ATPSCKMT: variants seen among roughly 807,000 people sequenced by gnomAD.
ATPSCKMT encodes the protein ATP synthase c subunit lysine N-methyltransferase, also known as ATP synthase subunit C lysine N-methyltransferase.
Under a neutral mutation model 24.3 loss-of-function variants are expected in ATPSCKMT, and 24 were observed. The ratio of observed to expected loss-of-function variants is 0.99; its 90% CI spans 0.71 to 1.39. The LOEUF is 1.39. ATPSCKMT is among the 40% of genes most tolerant of loss of function. ATPSCKMT has a pLI of 0.00. For missense variants in ATPSCKMT, 311 were observed against 298.4 expected (o/e 1.04, Z -0.31); for synonymous variants, 95 against 110.5 (o/e 0.86, Z 0.88).
At position 10,237,150 on chromosome 5, in the gene ATPSCKMT, A is replaced by G. The variant is rs1744414245; in HGVS notation, c.307-535T>C. 3 of 693,426 alleles carry G rather than the reference A, an allele frequency of 4.3e-6. No homozygotes were observed. In the South Asian group the frequency reaches 4.9e-5, roughly 11 times the overall value. The allele number at this position is 693,426 out of a possible 1,614,324, so 43.0% of individuals were successfully genotyped here. A position where few individuals can be genotyped will look rare whatever the true frequency, so the allele number is the denominator to read the frequency against. On this transcript the variant is annotated intron_variant, in intron 2 of 4. Coordinates refer to ENST00000511437, the MANE Select transcript of ATPSCKMT (RefSeq NM_199133.4). ...AAATGAAATGAATCCCAATAACGTC[A>G]ACTGTGGAATCCCACTGGCCTCCGG...
At chr5:10,238,449 C>T (rs1293428788) in intron 2 of ATPSCKMT, among the ~76,000 whole-genome samples, 3 of 152,210 alleles carry the variant, frequency 2.0e-5, no homozygotes, top group Non-Finnish European at 2.9e-5. Flanking sequence ...GCCTTTCCCA[C>T]TGCTGCTGGA....
At chr5:10,242,183 T>C (rs969486997) in intron 1 of ATPSCKMT, among the ~76,000 whole-genome samples, 2 of 152,230 alleles carry the variant, frequency 1.3e-5, no homozygotes, top group Admixed American at 6.5e-5. Flanking sequence ...CTTCCCTTCA[T>C]GAAAGATTGC....
chr5:10,234,023 T>G (rs1410326591), intron 4 of ATPSCKMT, among the ~76,000 whole-genome samples: 1 of 152,180 alleles, frequency 6.6e-6, no homozygotes, highest in African/African-American at 2.4e-5. Flanking sequence ...CAGGATACTG[T>G]CACTTTCAAG....
At chr5:10,243,398 C>T (rs1213477701) in intron 1 of ATPSCKMT, among the ~76,000 whole-genome samples, 2 of 152,018 alleles carry the variant, frequency 1.3e-5, no homozygotes, top group Non-Finnish European at 2.9e-5. Flanking sequence ...GCAGGAGAAT[C>T]ATTTGAACCC....
intron 1 of ATPSCKMT, among the ~76,000 whole-genome samples, chr5:10,239,798 T>A (rs994666559): frequency 6.6e-6 from 1 of 152,186 alleles, no homozygotes; most frequent in Admixed American, 6.5e-5. Flanking sequence ...GGATTCCACA[T>A]CAAATCTGGT....
chr5:10,230,963 C>T (rs867532456), intron 4 of ATPSCKMT, among the ~76,000 whole-genome samples: 11 of 151,670 alleles, frequency 7.3e-5, no homozygotes, highest in African/African-American at 2.7e-4. Context: ...CCTACATCTC[C>T]AGCCCACCCT....
chr5:10,241,958 G>A (rs983758371), intron 1 of ATPSCKMT, among the ~76,000 whole-genome samples: 11 of 151,974 alleles, frequency 7.2e-5, no homozygotes, highest in African/African-American at 2.2e-4. Context: ...ATTTATCTTC[G>A]AAAAATTTTT....
intron 1 of ATPSCKMT, among the ~76,000 whole-genome samples, chr5:10,243,673 A>C (rs1744754201): frequency 6.6e-6 from 1 of 152,020 alleles, no homozygotes; most frequent in African/African-American, 2.4e-5. Flanking sequence ...TTTCTTCTGC[A>C]CTCTCCTCAC....
In ATPSCKMT at chr5:10,227,417, T is replaced by G; in HGVS notation, c.*24A>C. On this transcript the variant is annotated 3_prime_UTR_variant, in exon 5 of 5. Coordinates refer to ENST00000511437, the MANE Select transcript of ATPSCKMT (RefSeq NM_199133.4). ...CAAGATCAGGGAAGACTACAATATT[T>G]CAGAAAAACACTCCCAGTCAAGTTT... The G allele has an allele frequency of 6.2e-7, 1 of 1,611,360 alleles. No individual in the cohort carries two copies. The highest frequency in any genetic ancestry group is 1.1e-5 in the South Asian group (1 of 91,034).
chr5:10,249,800 G>A (rs543033167), intron 1 of ATPSCKMT, 58 bp downstream of exon 1: 135 of 833,694 alleles, frequency 1.6e-4, no homozygotes, highest in South Asian at 8.9e-4. Context: ...GCGAGCCCCC[G>A]GCCCGCCCGC....
Position 10,249,828 on chromosome 5 carries a change from C to G in ATPSCKMT, c.16+30G>C, listed in dbSNP as rs747015647. On this transcript the variant is annotated intron_variant, in intron 1 of 4. Coordinates refer to ENST00000511437, the MANE Select transcript of ATPSCKMT (RefSeq NM_199133.4). ...CCGCCCGCACCCCTTCTCATGCCCC[C>G]AGGAACCCGCCAAGCCGCTCCAGCC... The G allele has an allele frequency of 5.1e-6, 8 of 1,562,990 alleles. No homozygotes were observed. In the Admixed American group the frequency reaches 5.9e-5, roughly 11 times the overall value.
intron 1 of ATPSCKMT, among the ~76,000 whole-genome samples, chr5:10,243,486 A>G (rs1300386956): frequency 6.6e-6 from 1 of 152,112 alleles, no homozygotes; most frequent in Non-Finnish European, 1.5e-5. Context: ...CAAAAGAAAA[A>G]AAAAAAAGAA....
At chr5:10,237,527 C>T (rs1744427631) in intron 2 of ATPSCKMT, among the ~76,000 whole-genome samples, 1 of 152,138 alleles carries the variant, frequency 6.6e-6, no homozygotes, top group African/African-American at 2.4e-5. Context: ...GTAAGTCTCA[C>T]AAGATCTGAT....
chr5:10,236,905 C>T, intron 2 of ATPSCKMT: 3 of 1,394,714 alleles, frequency 2.2e-6, no homozygotes, highest in Non-Finnish European at 2.8e-6. Flanking sequence ...GGTCAGCCAA[C>T]CCCCGGGGAG....
At chr5:10,240,236 A>T (rs867326956) in intron 1 of ATPSCKMT, among the ~76,000 whole-genome samples, 2 of 151,214 alleles carry the variant, frequency 1.3e-5, no homozygotes, top group Admixed American at 6.6e-5. Flanking sequence ...TCTGTCTCAA[A>T]AAAAAAAAAA....
At chr5:10,245,516 C>A (rs548157011) in intron 1 of ATPSCKMT, among the ~76,000 whole-genome samples, 1 of 151,934 alleles carries the variant, frequency 6.6e-6, no homozygotes, top group Non-Finnish European at 1.5e-5. Flanking sequence ...GAGGCTGAGG[C>A]GGGTGGATCA....
intron 2 of ATPSCKMT, 83 bp from the exon 3 acceptor site, chr5:10,236,698 T>C: frequency 6.4e-7 from 1 of 1,554,356 alleles, no homozygotes; most frequent in Non-Finnish European, 8.7e-7. Flanking sequence ...TTCCTATCAA[T>C]GGTTTAAACA....
Position 10,227,292 on chromosome 5 carries a change from CGTTT to C in ATPSCKMT, c.*145_*148del. On this transcript the variant is annotated 3_prime_UTR_variant, in exon 5 of 5. Coordinates refer to ENST00000511437, the MANE Select transcript of ATPSCKMT (RefSeq NM_199133.4). Reference sequence around the variant, plus strand: ...GATTTTAAATCTACCTGTTTTTCTTCGTTTGTTTTCTCCAACAGTTAAGGAAAGT... The same window carrying C: ...GATTTTAAATCTACCTGTTTTTCTTCGTTTTCTCCAACAGTTAAGGAAAGT... 1.2e-6 allele frequency: 1 copy of C among 802,730 alleles called. No individual in the cohort carries two copies. The highest frequency in any genetic ancestry group is 1.9e-6 in the Non-Finnish European group (1 of 524,760). 49.7% of individuals were successfully genotyped at this position (802,730 alleles called of 1,614,324 possible).
chr5:10,236,918 C>T (rs1024320725), intron 2 of ATPSCKMT: 59 of 1,369,844 alleles, frequency 4.3e-5, no homozygotes, highest in Admixed American at 1.3e-4. Context: ...CCGGGGAGGT[C>T]GAACAAAACA....
Sources: allele counts gnomAD v4.1 joint callset (sites outside exome capture counted in the v4.1 genomes callset), GRCh38; gene constraint gnomAD v4.1.1; transcripts MANE v1.5; gene names NCBI Gene and HGNC (gene_info 2026-07-23, HGNC 2026-07-21).